FAN1: variants seen among roughly 807,000 people sequenced by gnomAD.
FAN1 encodes fanconi-associated nuclease 1.
FAN1 carries 91 observed loss-of-function variants against 104.9 expected under a neutral mutation model. The observed-to-expected ratio is 0.87, with a 90% CI of 0.73 to 1.03. The LOEUF (loss-of-function observed/expected upper bound fraction) is 1.03. Among genes scored for constraint, FAN1 ranks in the 50% least tolerant of loss-of-function variants. FAN1 has a pLI of 0.00. For synonymous variants in FAN1, 478 were observed against 457.6 expected, an observed-to-expected ratio of 1.04 and a Z score of -0.57; for missense variants, 1,263 against 1,239.9, an observed-to-expected ratio of 1.02 and a Z score of -0.28.
At chr15:30,924,938 G>A (rs2062422289) in intron 8 of FAN1, among the ~76,000 whole-genome samples, 189 bp from the exon 9 acceptor site, 1 of 152,212 alleles carries the variant, frequency 6.6e-6, no homozygotes, top group South Asian at 2.1e-4. Context: ...GAAGGCTCTG[G>A]TTGCCAGATG....
rs11317050 is a variant in FAN1, at chr15:30,937,447, C to CT, written c.*3+210dup. On this transcript the variant is annotated intron_variant, in intron 14 of 14. Transcript: ENST00000362065. ...TTGATTCCACACAGTGGGTAATAAACTTTTTTTTTTTTTTTTTTTTTTGAG... is the reference window on the plus strand; with the variant it reads ...TTGATTCCACACAGTGGGTAATAAACTTTTTTTTTTTTTTTTTTTTTTTGAG... Among the ~76,000 whole-genome samples, 139 of 78,876 alleles carry CT rather than the reference C, an allele frequency of 1.8e-3. 1 individual carries two copies. The highest frequency in any genetic ancestry group is 3.0e-3 in the East Asian group (9 of 2,998). The allele number at this position is 78,876 out of a possible 152,430, so 51.7% of individuals were successfully genotyped here.
intron 5 of FAN1, among the ~76,000 whole-genome samples, chr15:30,917,373 T>C (rs2062218089): frequency 6.6e-6 from 1 of 152,132 alleles, no homozygotes; most frequent in African/African-American, 2.4e-5. Context: ...TGAGAGTCAC[T>C]GGCATATGGA....
chr15:30,908,019 ACAGTAAG>A, intron 2 of FAN1, 92 bp from the exon 3 acceptor site: 1 of 954,814 alleles, frequency 1.0e-6, no homozygotes, highest in Non-Finnish European at 1.5e-6. Context: ...CCTTATACAT[ACAGTAAG>A]CATATGTGTA....
At position 30,918,202 on chromosome 15, in the gene FAN1, C is replaced by T; in HGVS notation, c.1850C>T (p.Ser617Phe). ...ACGCACATGCTGAGTGACATTTCTT[C>T]CGCAATGGCCAATGGGAACTGGGAA... ...AATHMLSDIS[S>F]AMANGNWEEA... Residue 617 changes from serine (S) to phenylalanine (F), a missense_variant, in exon 6 of 15, where the codon TCC becomes TTC. Around this residue, in one of 2 missense-constraint regions of FAN1, gnomAD observed 581 missense variants for 668.8 expected, o/e 0.87. Transcript: ENST00000362065. 1.2e-6 allele frequency: 2 copies of T among 1,614,032 alleles called. No homozygotes were observed.
At chr15:30,926,901 T>C (rs1424388778) in intron 10 of FAN1, 1 of 985,344 alleles carries the variant, frequency 1.0e-6, no homozygotes, top group Non-Finnish European at 1.2e-6. Flanking sequence ...CCAGGCTTTA[T>C]GCCACAGGGA....
chr15:30,941,062 G>C, intron 14 of FAN1: 2 of 1,197,722 alleles, frequency 1.7e-6, no homozygotes, highest in Non-Finnish European at 2.1e-6. Context: ...CCTAAAACCT[G>C]CTGGAGGTTT....
intron 14 of FAN1, chr15:30,939,494 CT>C: frequency 4.1e-6 from 4 of 984,382 alleles, no homozygotes; most frequent in Non-Finnish European, 4.8e-6. Context: ...GCACAATAAA[CT>C]GTAGCACAAT....
chr15:30,936,111 A>G (rs2062845709), intron 13 of FAN1, among the ~76,000 whole-genome samples: 2 of 126,622 alleles, frequency 1.6e-5, no homozygotes, highest in Admixed American at 1.7e-4. Flanking sequence ...TATTTTACCT[A>G]TAGTTTTTAT....
chr15:30,931,738 G>A (rs747495807), intron 13 of FAN1, among the ~76,000 whole-genome samples: 1 of 152,028 alleles, frequency 6.6e-6, no homozygotes, highest in Non-Finnish European at 1.5e-5. Context: ...CCATATATAT[G>A]TGGGTCTGTT....
chr15:30,906,037 A>T, intron 2 of FAN1, 140 bp downstream of exon 2: 2 of 759,144 alleles, frequency 2.6e-6, no homozygotes, highest in Non-Finnish European at 4.3e-6. Flanking sequence ...TGTTCATGGG[A>T]GTTGGAGCAT....
intron 13 of FAN1, among the ~76,000 whole-genome samples, chr15:30,932,549 T>TG (rs2062740284): frequency 6.6e-6 from 1 of 152,062 alleles, no homozygotes; most frequent in Non-Finnish European, 1.5e-5. Flanking sequence ...CTGGAGATTT[T>TG]GGGGGGAGGA....
In FAN1 at chr15:30,904,689, A is replaced by G. The variant is rs560053916; in HGVS notation, c.26A>G (p.Asp9Gly). 1.9e-6 allele frequency: 3 copies of G among 1,605,532 alleles called. No individual in the cohort carries two copies. In the South Asian group the frequency reaches 3.3e-5, roughly 18 times the overall value. Residue 9 changes from aspartate (D) to glycine (G), a missense_variant, in exon 2 of 15, where the codon GAC becomes GGC. By Grantham distance (94) the Asp-to-Gly change is moderately conservative (BLOSUM62 -1). Coordinates refer to ENST00000362065, the MANE Select transcript of FAN1 (RefSeq NM_014967.5). Reference protein sequence around the residue: MMSEGKPPDKKRPRRSLSI... With the variant: MMSEGKPPGKKRPRRSLSI... ...ATGATGTCAGAAGGGAAACCTCCTG[A>G]CAAAAAAAGGCCTCGTAGAAGCTTA...
intron 13 of FAN1, among the ~76,000 whole-genome samples, chr15:30,933,132 G>A (rs1202781759): frequency 6.6e-6 from 1 of 152,114 alleles, no homozygotes; most frequent in Non-Finnish European, 1.5e-5. Context: ...AGTCTGGCAG[G>A]AGGTTTATCA....
In FAN1 at chr15:30,930,661, G is replaced by T. The variant is rs753068609; in HGVS notation, c.2906G>T (p.Arg969Leu). The T allele has an allele frequency of 7.4e-6, 12 of 1,612,366 alleles. No individual in the cohort carries two copies. The highest frequency in any genetic ancestry group is 1.0e-5 in the Non-Finnish European group (12 of 1,179,440). Residue 969 changes from arginine (R) to leucine (L), a missense_variant, in exon 13 of 15, where the codon CGT (arginine) becomes CTT (leucine). Arg to Leu is a moderately radical substitution (Grantham distance 102). This residue lies in a region of FAN1 where 581 missense variants were observed against 668.8 expected (regional missense o/e 0.87). Coordinates refer to ENST00000362065, the MANE Select transcript of FAN1 (RefSeq NM_014967.5). ...PDLVVWNSQS[R>L]HFKLVEVKGP... The stretch of plus-strand genomic sequence containing the variant: ...CTGGTGGTGTGGAACTCCCAGAGCC[G>T]TCACTTTAAGGTCAGTTGAGGCAGA...
At chr15:30,933,495 T>A (rs551971594) in intron 13 of FAN1, among the ~76,000 whole-genome samples, 4 of 152,360 alleles carry the variant, frequency 2.6e-5, no homozygotes, top group African/African-American at 9.6e-5. Flanking sequence ...ATATTTTGTA[T>A]GATTTGAATC....
Position 30,942,184 on chromosome 15 carries a change from CAAAG to C in FAN1, c.*625_*628del, listed in dbSNP as rs1479938655. ...TGAAAAATTAATGGAATTTCAGCCT[CAAAG>C]AACATTTTCCTCCCTTCCTTTGTGT... On this transcript the variant is annotated 3_prime_UTR_variant, in exon 15 of 15. Coordinates refer to ENST00000362065, the MANE Select transcript of FAN1 (RefSeq NM_014967.5). The C allele has an allele frequency of 1.5e-6, 2 of 1,305,684 alleles. No individual in the cohort carries two copies. Among genetic ancestry groups the C allele is most frequent in the Admixed American group, 2.3e-5 (1 of 44,292 alleles). The allele number at this position is 1,305,684 out of a possible 1,614,324, so 80.9% of individuals were successfully genotyped here.
intron 14 of FAN1, chr15:30,940,115 C>G (rs1474868332): frequency 1.1e-5 from 11 of 985,224 alleles, no homozygotes; most frequent in Non-Finnish European, 1.3e-5. Flanking sequence ...TTTTCCATAT[C>G]TTAGGATGGC....
chr15:30,910,869 T>C (rs759411228), intron 4 of FAN1, 54 bp downstream of exon 4: 47 of 1,557,154 alleles, frequency 3.0e-5, no homozygotes, highest in Non-Finnish European at 4.1e-5. Context: ...TAGCACATAT[T>C]AACTTACAGT....
intron 7 of FAN1, among the ~76,000 whole-genome samples, 162 bp downstream of exon 7, chr15:30,920,815 C>T (rs1198933507): frequency 2.0e-5 from 3 of 152,198 alleles, no homozygotes; most frequent in Non-Finnish European, 2.9e-5. Context: ...GACAGGGTCT[C>T]ACTCCATCAC....
Sources: allele counts gnomAD v4.1 joint callset (sites outside exome capture counted in the v4.1 genomes callset), GRCh38; gene constraint gnomAD v4.1.1; regional missense constraint gnomAD v4.1.1; transcripts MANE v1.5; gene names NCBI Gene and HGNC (gene_info 2026-07-23, HGNC 2026-07-21).